Variants in BAZ2B observed in about 807,000 individuals in gnomAD.
BAZ2B encodes bromodomain adjacent to zinc finger domain protein 2B.
BAZ2B carries 91 observed loss-of-function variants against 246.0 expected under a neutral mutation model. The observed-to-expected ratio is 0.37, with a 90% CI of 0.31 to 0.44. The LOEUF (loss-of-function observed/expected upper bound fraction) is 0.44. Ranked by LOEUF, BAZ2B falls within the 20% of genes least tolerant of loss-of-function variation. The pLI is 1.00. For missense variants in BAZ2B, 2,332 were observed against 2,533.7 expected (o/e 0.92, Z 1.71); for synonymous variants, 855 against 860.0 (o/e 0.99, Z 0.10).
intron 2 of BAZ2B, among the ~76,000 whole-genome samples, chr2:159,500,282 T>G (rs977166879): frequency 3.9e-5 from 6 of 152,308 alleles, no homozygotes; most frequent in African/African-American, 1.2e-4. Flanking sequence ...GGAGTCCTTT[T>G]CCCATTGCTT....
Position 159,428,407 on chromosome 2 carries a change from C to T in BAZ2B, c.2268G>A (p.Glu756=). 5 of 1,612,320 alleles carry T rather than the reference C, an allele frequency of 3.1e-6. No individual in the cohort carries two copies. Among genetic ancestry groups the T allele is most frequent in the Non-Finnish European group, 4.2e-6 (5 of 1,178,966 alleles). Residue 756 remains glutamate (E), a synonymous_variant, in exon 12 of 37, where the codon GAG becomes GAA. Coordinates refer to ENST00000392783, the MANE Select transcript of BAZ2B (RefSeq NM_013450.4). ...GCCCTCCAAAGTTTCTTATTCTTGT[C>T]TCTCTCTGCCAGCTACACATAACAG... is the stretch of plus-strand genomic sequence containing the variant. ...RIPLEYGWQR[E]TRIRNFGGRL...
the BAZ2B span, among the ~76,000 whole-genome samples, chr2:159,641,111 A>G: frequency 6.6e-6 from 1 of 152,186 alleles, no homozygotes; most frequent in African/African-American, 2.4e-5. Flanking sequence ...ATGCCAATAC[A>G]TTGGAAAATC....
At chr2:159,610,317 C>T (rs1006266475) in intron 1 of BAZ2B, among the ~76,000 whole-genome samples, 1 of 152,132 alleles carries the variant, frequency 6.6e-6, no homozygotes, top group Non-Finnish European at 1.5e-5. Flanking sequence ...CTGAATTATA[C>T]AGTATTAACC....
intron 30 of BAZ2B, among the ~76,000 whole-genome samples, chr2:159,348,385 A>G (rs1006836184): frequency 3.3e-5 from 5 of 150,470 alleles, no homozygotes; most frequent in African/African-American, 4.9e-5. Flanking sequence ...ATCCTCCCAT[A>G]TGCTTCAAGT....
chr2:159,350,991 G>A (rs2058495417), intron 27 of BAZ2B, among the ~76,000 whole-genome samples: 2 of 152,070 alleles, frequency 1.3e-5, no homozygotes, highest in Non-Finnish European at 2.9e-5. Context: ...GCACCAGCAT[G>A]GCACATGTAT....
chr2:159,427,204 C>T (rs1559372426), intron 13 of BAZ2B, among the ~76,000 whole-genome samples: 1 of 152,056 alleles, frequency 6.6e-6, no homozygotes, highest in African/African-American at 2.4e-5. Flanking sequence ...ACTGGGACCC[C>T]TTTCAATGCA....
At chr2:159,346,233 G>C (rs1043200456) in intron 31 of BAZ2B, among the ~76,000 whole-genome samples, 1 of 152,154 alleles carries the variant, frequency 6.6e-6, no homozygotes, top group Non-Finnish European at 1.5e-5. Flanking sequence ...ATTAGCTCTG[G>C]AAAACTACAT....
chr2:159,515,030 A>G (rs890796873), intron 2 of BAZ2B, among the ~76,000 whole-genome samples: 1 of 152,142 alleles, frequency 6.6e-6, no homozygotes, highest in Admixed American at 6.6e-5. Flanking sequence ...TCAACAAAAG[A>G]AGGAGTCTAT....
chr2:159,606,605 T>G (rs1006822361), intron 1 of BAZ2B, among the ~76,000 whole-genome samples: 2 of 152,204 alleles, frequency 1.3e-5, no homozygotes, highest in Admixed American at 6.5e-5. Flanking sequence ...TTATTTCCAC[T>G]GTTTTCCATC....
chr2:159,418,843 T>C (rs1352773952), intron 13 of BAZ2B, among the ~76,000 whole-genome samples: 2 of 152,154 alleles, frequency 1.3e-5, no homozygotes, highest in Non-Finnish European at 2.9e-5. Flanking sequence ...CTCAATGTTA[T>C]GTAAGTGAAT....
intron 2 of BAZ2B, among the ~76,000 whole-genome samples, chr2:159,533,660 C>A (rs2085610424): frequency 6.6e-6 from 1 of 152,124 alleles, no homozygotes. Flanking sequence ...TTTCACCAAA[C>A]AAGTATAACT....
At chr2:159,605,884 G>A (rs547175186) in intron 1 of BAZ2B, among the ~76,000 whole-genome samples, 2 of 152,106 alleles carry the variant, frequency 1.3e-5, no homozygotes, top group East Asian at 3.9e-4. Context: ...GTGAGTTTTG[G>A]CAAGTGTACC....
At chr2:159,342,059 A>G (rs2066832035) in intron 31 of BAZ2B, among the ~76,000 whole-genome samples, 1 of 152,216 alleles carries the variant, frequency 6.6e-6, no homozygotes. Flanking sequence ...AATACAAAAG[A>G]TCAACAAAAC....
At chr2:159,507,056 G>A (rs2082404872) in intron 2 of BAZ2B, among the ~76,000 whole-genome samples, 1 of 152,088 alleles carries the variant, frequency 6.6e-6, no homozygotes, top group African/African-American at 2.4e-5. Context: ...CTTCTACTAA[G>A]TTATCTAAAC....
intron 2 of BAZ2B, among the ~76,000 whole-genome samples, chr2:159,498,495 AAT>A (rs1457888205): frequency 4.6e-5 from 7 of 152,186 alleles, no homozygotes; most frequent in African/African-American, 1.7e-4. Flanking sequence ...TGTTTTAGAT[AAT>A]AGTGACATTT....
intron 23 of BAZ2B, among the ~76,000 whole-genome samples, chr2:159,384,172 C>T (rs532504680): frequency 2.6e-5 from 4 of 152,006 alleles, no homozygotes; most frequent in African/African-American, 9.6e-5. Flanking sequence ...CCAGTAAAGT[C>T]AAATAGGGAT....
intron 2 of BAZ2B, among the ~76,000 whole-genome samples, chr2:159,519,603 G>C (rs142029088): frequency 9.2e-4 from 139 of 150,784 alleles, no homozygotes; most frequent in African/African-American, 3.3e-3. Context: ...AGATAACCAG[G>C]GTTCCAGATC....
chr2:159,655,168 G>C, the BAZ2B span, among the ~76,000 whole-genome samples: 1,368 of 152,272 alleles, frequency 9.0e-3, 9 homozygotes, highest in Admixed American at 0.014. Context: ...AAGAGGCTGA[G>C]GCAGGTGAAT....
intron 2 of BAZ2B, among the ~76,000 whole-genome samples, chr2:159,481,115 C>G (rs1240700517): frequency 6.6e-6 from 1 of 151,976 alleles, no homozygotes; most frequent in East Asian, 1.9e-4. Context: ...CCTTTGCACT[C>G]TAGAATGAAG....
Sources: allele counts gnomAD v4.1 joint callset (sites outside exome capture counted in the v4.1 genomes callset), GRCh38; gene constraint gnomAD v4.1.1; transcripts MANE v1.5; gene names NCBI Gene and HGNC (gene_info 2026-07-23, HGNC 2026-07-21).